CEP295: variants seen among roughly 807,000 people sequenced by gnomAD.
CEP295 encodes centrosomal protein 295.
In CEP295, 190 loss-of-function variants were observed where a neutral mutation model predicts 291.6. That is an observed-to-expected ratio of 0.65 (90% CI 0.58 to 0.73). The LOEUF is 0.73. Among genes scored for constraint, CEP295 ranks in the 30% least tolerant of loss-of-function variants. The pLI, the probability that CEP295 is intolerant of heterozygous loss-of-function variation, is 0.00. For missense variants in CEP295, 2,863 were observed against 2,949.4 expected (o/e 0.97, Z 0.68); for synonymous variants, 993 against 1,038.8 (o/e 0.96, Z 0.85).
intron 10 of CEP295, among the ~76,000 whole-genome samples, chr11:93,690,313 TTGG>T: frequency 6.6e-6 from 1 of 151,970 alleles, no homozygotes; most frequent in Non-Finnish European, 1.5e-5. Flanking sequence ...TCCCAACACT[TTGG>T]GAGGCCGGGG....
chr11:93,698,102 T>C lies in CEP295; in HGVS notation c.3190T>C (p.Leu1064=). Residue 1064 remains leucine, a synonymous_variant, in exon 15 of 30, where the codon TTG becomes CTG. Coordinates refer to ENST00000325212, the MANE Select transcript of CEP295 (RefSeq NM_033395.2). ...TAGTTTGAAGTTGCTCCAAGAACAG[T>C]TGACTAAACAGAGGGATACTCTTCA... ...HDSLKLLQEQ[L]TKQRDTLQAR... 1 of 1,552,168 alleles carries C rather than the reference T, an allele frequency of 6.4e-7. No individual in the cohort carries two copies. Among genetic ancestry groups the C allele is most frequent in the South Asian group, 1.2e-5 (1 of 84,054 alleles).
At chr11:93,669,067 A>G in intron 4 of CEP295, 135 bp downstream of exon 4, 1 of 537,848 alleles carries the variant, frequency 1.9e-6, no homozygotes, top group Non-Finnish European at 3.2e-6. Flanking sequence ...CTTGATTTAA[A>G]AATAATGTTG....
chr11:93,696,068 C>T (rs765723348), intron 13 of CEP295, among the ~76,000 whole-genome samples: 15 of 152,050 alleles, frequency 9.9e-5, no homozygotes, highest in East Asian at 1.9e-4. Context: ...GCATCAGTTA[C>T]GGCTTTCATC....
chr11:93,709,402 C>T (rs977211040), intron 18 of CEP295, among the ~76,000 whole-genome samples: 16 of 152,150 alleles, frequency 1.1e-4, no homozygotes, highest in African/African-American at 3.9e-4. Context: ...TGAAGAGACT[C>T]TCTATTCCCC....
chr11:93,673,099 G>T (rs575346960), intron 5 of CEP295, among the ~76,000 whole-genome samples: 4 of 152,152 alleles, frequency 2.6e-5, no homozygotes, highest in Non-Finnish European at 5.9e-5. Flanking sequence ...ATTCTAATGT[G>T]TACTACCATC....
At chr11:93,682,596 T>TAA (rs76550881) in intron 7 of CEP295, among the ~76,000 whole-genome samples, 1 of 149,238 alleles carries the variant, frequency 6.7e-6, no homozygotes, top group African/African-American at 2.5e-5. Context: ...AGAAGGTTGT[T>TAA]AAAAAAAAAA....
At chr11:93,721,154 A>C (rs1953686232) in intron 18 of CEP295, among the ~76,000 whole-genome samples, 158 bp from the exon 19 acceptor site, 1 of 152,178 alleles carries the variant, frequency 6.6e-6, no homozygotes, top group African/African-American at 2.4e-5. Context: ...AATACGGTGA[A>C]TTTTTTCTTT....
At chr11:93,677,720 A>G (rs1289145526) in intron 6 of CEP295, among the ~76,000 whole-genome samples, 1 of 152,214 alleles carries the variant, frequency 6.6e-6, no homozygotes, top group Non-Finnish European at 1.5e-5. Context: ...TCTGCAGAAA[A>G]GTGAAGCTGA....
intron 6 of CEP295, among the ~76,000 whole-genome samples, chr11:93,676,752 A>G (rs1950713666): frequency 6.6e-6 from 1 of 151,404 alleles, no homozygotes; most frequent in Admixed American, 6.6e-5. Flanking sequence ...TTGATGATGA[A>G]TTTTTTTTTA....
chr11:93,722,323 G>A (rs1444898601), intron 20 of CEP295, among the ~76,000 whole-genome samples: 3 of 152,082 alleles, frequency 2.0e-5, no homozygotes, highest in Non-Finnish European at 4.4e-5. Flanking sequence ...TTAGCCAGGT[G>A]TGGTGGTAAG....
At chr11:93,712,261 T>TTTA (rs1565204113) in intron 18 of CEP295, among the ~76,000 whole-genome samples, 1 of 149,826 alleles carries the variant, frequency 6.7e-6, no homozygotes, top group African/African-American at 2.4e-5. Context: ...TTATTTATTT[T>TTTA]TTTAAGACAG....
chr11:93,728,575 T>G, intron 24 of CEP295, 106 bp from the exon 25 acceptor site: 1 of 916,086 alleles, frequency 1.1e-6, no homozygotes, highest in Non-Finnish European at 1.5e-6. Flanking sequence ...TCCTCCATTT[T>G]CACATTTATA....
At chr11:93,663,540 G>A (rs1184552012) in intron 1 of CEP295, among the ~76,000 whole-genome samples, 2 of 152,162 alleles carry the variant, frequency 1.3e-5, no homozygotes, top group Non-Finnish European at 2.9e-5. Flanking sequence ...ATTGAATACT[G>A]CCTGTAGATT....
At chr11:93,663,958 C>T (rs1382659618) in intron 1 of CEP295, among the ~76,000 whole-genome samples, 2 of 152,108 alleles carry the variant, frequency 1.3e-5, no homozygotes, top group Non-Finnish European at 2.9e-5. Context: ...CCCCAGCAAG[C>T]TTCTTTGTGC....
Position 93,697,840 on chromosome 11 carries a change from A to G in CEP295, c.2928A>G (p.Val976=). The change falls in exon 15 of 30, where the codon GTA becomes GTG. Residue 976 remains valine, a synonymous_variant. Transcript: ENST00000325212. ...ARREAQEVLY[V]HKQSELDRRV... ...GAGAAGCCCAGGAAGTATTGTATGT[A>G]CATAAACAGAGTGAATTGGATAGAA... is the stretch of plus-strand genomic sequence containing the variant. The G allele has an allele frequency of 1.3e-6, 2 of 1,551,778 alleles. No individual in the cohort carries two copies. Among genetic ancestry groups the G allele is most frequent in the Non-Finnish European group, 1.7e-6 (2 of 1,146,994 alleles).
intron 19 of CEP295, 111 bp from the exon 20 acceptor site, chr11:93,721,843 G>A (rs750382398): frequency 1.3e-6 from 1 of 763,138 alleles, no homozygotes; most frequent in South Asian, 1.5e-5. Flanking sequence ...AACTATGATG[G>A]TTTCTACACT....
In CEP295 at chr11:93,689,689, C is replaced by T. The variant is rs576124569; in HGVS notation, c.1336+1824C>T. On this transcript the variant is annotated intron_variant, in intron 10 of 29. Coordinates refer to ENST00000325212, the MANE Select transcript of CEP295 (RefSeq NM_033395.2). ...ATAGCTCTTATCAATATCTGATGGG[C>T]CCAGTAAAGTGACTGGTGCTTATTT... 6.7e-4 allele frequency among the ~76,000 whole-genome samples: 102 copies of T among 152,190 alleles called. 2 individuals are homozygous for T. In the South Asian group the frequency reaches 7.3e-3, roughly 11 times the overall value.
chr11:93,679,985 A>G (rs1292719952), intron 7 of CEP295, among the ~76,000 whole-genome samples: 1 of 152,180 alleles, frequency 6.6e-6, no homozygotes, highest in Non-Finnish European at 1.5e-5. Context: ...TTAAAAAGTG[A>G]CAGTCAATAG....
chr11:93,675,353 G>A (rs908789383), intron 5 of CEP295, among the ~76,000 whole-genome samples: 10 of 151,978 alleles, frequency 6.6e-5, no homozygotes, highest in African/African-American at 2.4e-4. Context: ...TTTAGTTAGC[G>A]ACACCTTGAA....
Sources: allele counts gnomAD v4.1 joint callset (sites outside exome capture counted in the v4.1 genomes callset), GRCh38; gene constraint gnomAD v4.1.1; transcripts MANE v1.5; gene names NCBI Gene and HGNC (gene_info 2026-07-23, HGNC 2026-07-21).